PTK2: variants seen among roughly 807,000 people sequenced by gnomAD.
PTK2 encodes the protein focal adhesion kinase 1.
In PTK2, 45 loss-of-function variants were observed where a neutral mutation model predicts 150.1. The observed-to-expected ratio is 0.30, with a 90% CI of 0.24 to 0.38. The LOEUF is 0.38. PTK2 is among the 10% of genes least tolerant of loss of function. The pLI, the probability that PTK2 is intolerant of heterozygous loss-of-function variation, is 1.00. For missense variants in PTK2, 919 were observed against 1,307.3 expected (o/e 0.70, Z 4.58); for synonymous variants, 432 against 449.2 (o/e 0.96, Z 0.48).
chr8:140,693,198 A>C (rs1247131074), intron 26 of PTK2, among the ~76,000 whole-genome samples: 1 of 152,192 alleles, frequency 6.6e-6, no homozygotes, highest in Non-Finnish European at 1.5e-5. Flanking sequence ...GACAGCTTTC[A>C]GAGTATATTT....
chr8:140,877,572 AT>A (rs1447694044), intron 4 of PTK2, among the ~76,000 whole-genome samples: 3 of 152,140 alleles, frequency 2.0e-5, no homozygotes, highest in Admixed American at 1.3e-4. Context: ...AATGAAATGT[AT>A]ATTTAAGTTA....
intron 1 of PTK2, among the ~76,000 whole-genome samples, chr8:140,941,661 C>T (rs1455064867): frequency 6.6e-6 from 1 of 152,102 alleles, no homozygotes; most frequent in Non-Finnish European, 1.5e-5. Flanking sequence ...TGCTAAATGG[C>T]TGCTCCACAG....
At chr8:140,918,090 T>A (rs2100166007) in intron 2 of PTK2, among the ~76,000 whole-genome samples, 1 of 152,222 alleles carries the variant, frequency 6.6e-6, no homozygotes, top group African/African-American at 2.4e-5. Context: ...ATCGAGCTCA[T>A]TTAAGCTGAG....
intron 1 of PTK2, among the ~76,000 whole-genome samples, chr8:140,960,645 C>G (rs1466822879): frequency 1.3e-5 from 2 of 152,192 alleles, no homozygotes; most frequent in African/African-American, 2.4e-5. Context: ...CAAAATTGTT[C>G]ATTGCCACAT....
At chr8:140,933,443 G>A (rs901380714) in intron 1 of PTK2, among the ~76,000 whole-genome samples, 1 of 152,220 alleles carries the variant, frequency 6.6e-6, no homozygotes, top group Non-Finnish European at 1.5e-5. Context: ...AATCTAGGCT[G>A]TGCATTCACA....
At chr8:140,836,378 T>C (rs1436929095) in intron 7 of PTK2, among the ~76,000 whole-genome samples, 1 of 152,172 alleles carries the variant, frequency 6.6e-6, no homozygotes, top group Admixed American at 6.5e-5. Context: ...GGGACTAGAA[T>C]ACATACGTGG....
chr8:140,690,760 A>C (rs992310622), intron 26 of PTK2, among the ~76,000 whole-genome samples: 4 of 152,214 alleles, frequency 2.6e-5, no homozygotes, highest in Non-Finnish European at 5.9e-5. Flanking sequence ...CCTTCACATA[A>C]CATTTATATA....
intron 14 of PTK2, among the ~76,000 whole-genome samples, 167 bp downstream of exon 16, chr8:140,769,408 T>C (rs956887024): frequency 5.3e-5 from 8 of 152,240 alleles, no homozygotes; most frequent in African/African-American, 1.7e-4. Flanking sequence ...ATAGTTATCC[T>C]TTCCATGCCA....
chr8:140,868,124 G>A (rs2100140420), intron 4 of PTK2, among the ~76,000 whole-genome samples: 1 of 152,044 alleles, frequency 6.6e-6, no homozygotes, highest in African/African-American at 2.4e-5. Flanking sequence ...CACCAAATAT[G>A]AGCACTAAGA....
At chr8:140,802,944 A>G (rs2100095999) in intron 11 of PTK2, among the ~76,000 whole-genome samples, 1 of 151,812 alleles carries the variant, frequency 6.6e-6, no homozygotes, top group African/African-American at 2.4e-5. Context: ...CCTGTTGTTA[A>G]GCAAAACATG....
chr8:140,894,979 C>A (rs2154607520), intron 2 of PTK2, among the ~76,000 whole-genome samples: 1 of 152,220 alleles, frequency 6.6e-6, no homozygotes, highest in Non-Finnish European at 1.5e-5. Flanking sequence ...TCTGAAGTTG[C>A]CCATACACTG....
intron 27 of PTK2, among the ~76,000 whole-genome samples, chr8:140,680,860 C>G (rs1274543292): frequency 1.3e-5 from 2 of 152,236 alleles, no homozygotes; most frequent in East Asian, 3.9e-4. Context: ...AAAATGTTTG[C>G]AAGATTTTAA....
intron 3 of PTK2, among the ~76,000 whole-genome samples, chr8:140,887,092 G>C (rs2100152587): frequency 1.3e-5 from 2 of 152,248 alleles, no homozygotes; most frequent in Admixed American, 6.5e-5. Context: ...GAGCTGTTTG[G>C]GGGGCAGAAT....
intron 14 of PTK2, among the ~76,000 whole-genome samples, chr8:140,780,162 T>C (rs1321937012): frequency 6.6e-6 from 1 of 152,188 alleles, no homozygotes; most frequent in East Asian, 1.9e-4. Context: ...ACGCTGTCTC[T>C]AGAAGCATTC....
intron 23 of PTK2, among the ~76,000 whole-genome samples, chr8:140,707,825 GCT>G (rs1181853941): frequency 6.6e-6 from 1 of 152,220 alleles, no homozygotes; most frequent in African/African-American, 2.4e-5. Context: ...GGACCCAAAT[GCT>G]CTCTGTCCAG....
At chr8:140,867,167 G>A (rs759592451) in intron 4 of PTK2, among the ~76,000 whole-genome samples, 3 of 152,144 alleles carry the variant, frequency 2.0e-5, no homozygotes, top group Non-Finnish European at 4.4e-5. Flanking sequence ...TCAATGGCAT[G>A]CTGTGCACAG....
intron 10 of PTK2, among the ~76,000 whole-genome samples, chr8:140,807,473 G>C (rs1429871236): frequency 2.0e-5 from 3 of 152,190 alleles, no homozygotes; most frequent in African/African-American, 7.2e-5. Flanking sequence ...TAACACTCAA[G>C]ATAGGCATGT....
chr8:140,741,494 A>G (rs1046541625), intron 20 of PTK2, among the ~76,000 whole-genome samples: 8 of 151,812 alleles, frequency 5.3e-5, no homozygotes, highest in Non-Finnish European at 8.8e-5. Flanking sequence ...TTAAAAATGA[A>G]TTTAAAAAAT....
intron 1 of PTK2, among the ~76,000 whole-genome samples, chr8:140,984,811 C>G (rs1307290165): frequency 6.6e-6 from 1 of 152,136 alleles, no homozygotes; most frequent in Non-Finnish European, 1.5e-5. Context: ...CTTATCTGAA[C>G]CCTTCCTCCT....
Sources: allele counts gnomAD v4.1 joint callset (sites outside exome capture counted in the v4.1 genomes callset), GRCh38; gene constraint gnomAD v4.1.1; transcripts MANE v1.5; gene names NCBI Gene and HGNC (gene_info 2026-07-23, HGNC 2026-07-21).